CPXM2: variants seen among roughly 807,000 people sequenced by gnomAD.
The protein encoded by CPXM2 is carboxypeptidase X, M14 family member 2, also known as inactive carboxypeptidase-like protein X2.
In CPXM2, 66 loss-of-function variants were observed where a neutral mutation model predicts 86.1. That is an observed-to-expected ratio of 0.77 (90% CI 0.63 to 0.94). CPXM2 has a LOEUF of 0.94. CPXM2 is among the 40% of genes least tolerant of loss of function. The probability of loss-of-function intolerance (pLI) is 0.00; values close to 1 mark genes in which losing one functional copy is unlikely to be tolerated. For missense variants in CPXM2, 948 were observed against 1,026.3 expected (o/e 0.92, Z 1.04); for synonymous variants, 388 against 400.2 (o/e 0.97, Z 0.36).
chr10:123,766,772 A>G (rs1034850682), intron 10 of CPXM2, among the ~76,000 whole-genome samples: 3 of 152,234 alleles, frequency 2.0e-5, no homozygotes, highest in African/African-American at 7.2e-5. Flanking sequence ...ATACAATTAG[A>G]TGATTTCTCC....
intron 2 of CPXM2, among the ~76,000 whole-genome samples, chr10:123,906,234 T>C (rs781618976): frequency 2.0e-5 from 3 of 152,198 alleles, no homozygotes; most frequent in Non-Finnish European, 4.4e-5. Context: ...CCTCGTTCTT[T>C]AACCTTACTG....
chr10:123,791,543 C>T (rs1370614958), intron 6 of CPXM2, among the ~76,000 whole-genome samples: 2 of 152,176 alleles, frequency 1.3e-5, no homozygotes, highest in African/African-American at 4.8e-5. Flanking sequence ...CTTGTAGCCA[C>T]ATCACTCCGA....
Position 123,767,029 on chromosome 10 carries a change from T to C in CPXM2, c.1423A>G (p.Lys475Glu). The C allele has an allele frequency of 6.2e-7, 1 of 1,614,208 alleles. No homozygotes were observed. The highest frequency in any genetic ancestry group is 8.5e-7 in the Non-Finnish European group (1 of 1,180,022). Residue 475 changes from lysine to glutamate, a missense_variant, in exon 10 of 14, where the codon AAA becomes GAA. Transcript: ENST00000241305. ...EAEDRQNVPR[K>E]VPNHYIAIPE... Reference sequence around the variant, plus strand: ...ATTGCAATATAGTGATTGGGAACTTTCCTGGGGACATTCTGTCGATCCTCT... The same window carrying C: ...ATTGCAATATAGTGATTGGGAACTTCCCTGGGGACATTCTGTCGATCCTCT...
intron 3 of CPXM2, among the ~76,000 whole-genome samples, chr10:123,862,046 C>A (rs541631547): frequency 3.3e-5 from 5 of 152,196 alleles, no homozygotes; most frequent in African/African-American, 9.6e-5. Flanking sequence ...ACTGATGGGA[C>A]TGACAGAGAG....
chr10:123,829,886 T>A (rs1302111604), intron 4 of CPXM2, among the ~76,000 whole-genome samples: 3 of 148,302 alleles, frequency 2.0e-5, no homozygotes, highest in Non-Finnish European at 3.0e-5. Flanking sequence ...ATCCTGGGGG[T>A]GGCATTTCGG....
intron 5 of CPXM2, 151 bp downstream of exon 5, chr10:123,798,964 G>C: frequency 1.2e-6 from 1 of 838,152 alleles, no homozygotes. Context: ...TTCAGGGCAG[G>C]GAAAGGGTCT....
chr10:123,749,671 C>A (rs767458332), intron 13 of CPXM2, among the ~76,000 whole-genome samples: 9 of 152,256 alleles, frequency 5.9e-5, no homozygotes, highest in Non-Finnish European at 1.3e-4. Flanking sequence ...TCAGGACACA[C>A]ACATCTCACA....
intron 4 of CPXM2, among the ~76,000 whole-genome samples, chr10:123,822,734 A>C (rs1847955050): frequency 6.6e-6 from 1 of 151,386 alleles, no homozygotes; most frequent in Non-Finnish European, 1.5e-5. Context: ...AAATAATAAT[A>C]ATAATAATAA....
chr10:123,772,824 T>A (rs1456270079), intron 7 of CPXM2, among the ~76,000 whole-genome samples: 2 of 151,856 alleles, frequency 1.3e-5, no homozygotes, highest in Non-Finnish European at 2.9e-5. Flanking sequence ...CTTCCCTGGT[T>A]GTGGTTATCA....
intron 2 of CPXM2, among the ~76,000 whole-genome samples, chr10:123,915,230 C>A (rs956093230): frequency 1.3e-5 from 2 of 152,174 alleles, no homozygotes; most frequent in Non-Finnish European, 2.9e-5. Flanking sequence ...CCCTGCATGG[C>A]AGGGAGATCT....
At chr10:123,824,206 C>CT (rs1847994514) in intron 4 of CPXM2, among the ~76,000 whole-genome samples, 1 of 152,168 alleles carries the variant, frequency 6.6e-6, no homozygotes, top group African/African-American at 2.4e-5. Context: ...AAGCATTTTG[C>CT]TTTTTACTTT....
In CPXM2 at chr10:123,891,578, C is replaced by G. The variant is rs1466360909; in HGVS notation, c.82G>C (p.Ala28Pro). ...TAATAATCAGGGTCCTCGAGGGCTGCGCCCTGGGCTCCGACCCCGGCCAGG... is the reference window on the plus strand; with the variant it reads ...TAATAATCAGGGTCCTCGAGGGCTGGGCCCTGGGCTCCGACCCCGGCCAGG... ...VTLAGVGAQGAALEDPDYYGQ... is the reference protein window; with the variant it reads ...VTLAGVGAQGPALEDPDYYGQ... The change falls in exon 1 of 14, where the codon GCA becomes CCA. Residue 28 changes from alanine (A) to proline (P), a missense_variant. Coordinates refer to ENST00000241305, the MANE Select transcript of CPXM2 (RefSeq NM_198148.3). This position sits in a 1 kb window ranked among gnomAD's most constrained non-coding sequence, Gnocchi z 5.6. 6.5e-7 allele frequency: 1 copy of G among 1,538,656 alleles called. No homozygotes were observed. The highest frequency in any genetic ancestry group is 1.4e-5 in the African/African-American group (1 of 72,006).
intron 7 of CPXM2, among the ~76,000 whole-genome samples, chr10:123,771,974 C>T (rs1301316492): frequency 6.6e-6 from 1 of 152,048 alleles, no homozygotes; most frequent in Non-Finnish European, 1.5e-5. Context: ...ATTACCCAGT[C>T]TCATGTATTT....
At chr10:123,861,194 T>G (rs932579054) in intron 3 of CPXM2, among the ~76,000 whole-genome samples, 8 of 152,252 alleles carry the variant, frequency 5.3e-5, no homozygotes, top group African/African-American at 1.9e-4. Context: ...TAGCTTTGAG[T>G]GCACCCTTGA....
At chr10:123,842,774 T>A (rs1369643556) in intron 3 of CPXM2, among the ~76,000 whole-genome samples, 4 of 152,204 alleles carry the variant, frequency 2.6e-5, no homozygotes, top group Non-Finnish European at 5.9e-5. Context: ...CTAGCACACA[T>A]AAACCATCTC....
chr10:123,921,795 C>T (rs1945581234), intron 2 of CPXM2, among the ~76,000 whole-genome samples: 1 of 152,106 alleles, frequency 6.6e-6, no homozygotes, highest in South Asian at 2.1e-4. Context: ...TCCCAGGATA[C>T]CTAGAGTTTT....
chr10:123,859,051 C>A (rs555736388), intron 3 of CPXM2, among the ~76,000 whole-genome samples: 1 of 152,232 alleles, frequency 6.6e-6, no homozygotes, highest in South Asian at 2.1e-4. Context: ...GCATCCCAGC[C>A]TGTGAGCCCC....
At chr10:123,853,675 C>A (rs1000532681) in intron 3 of CPXM2, among the ~76,000 whole-genome samples, 2 of 152,184 alleles carry the variant, frequency 1.3e-5, no homozygotes, top group Non-Finnish European at 2.9e-5. Context: ...GAGGCCAAGG[C>A]GGGCAGACCA....
chr10:123,858,274 T>C (rs778041747), intron 3 of CPXM2, among the ~76,000 whole-genome samples: 1 of 152,194 alleles, frequency 6.6e-6, no homozygotes, highest in African/African-American at 2.4e-5. Context: ...CACAGAAGCT[T>C]TGTTGATTCA....
Sources: gnomAD v4.1 joint callset for allele counts (sites outside exome capture counted in the v4.1 genomes callset) on GRCh38, gnomAD v4.1.1 for gene constraint, Gnocchi (gnomAD v3.1) non-coding constraint, MANE v1.5 for transcripts, NCBI Gene and HGNC (gene_info 2026-07-23, HGNC 2026-07-21) for gene names.